Variants in ALDH18A1 observed in about 807,000 individuals in gnomAD.
ALDH18A1 encodes the protein aldehyde dehydrogenase 18 family member A1, also known as delta-1-pyrroline-5-carboxylate synthase.
A neutral mutation model predicts 88.8 loss-of-function variants in ALDH18A1; 44 were observed. The observed-to-expected ratio is 0.50, with a 90% CI of 0.39 to 0.64. ALDH18A1 has a LOEUF of 0.64. ALDH18A1 is among the 30% of genes least tolerant of loss of function. The pLI, the probability that ALDH18A1 is intolerant of heterozygous loss-of-function variation, is 0.00. For missense variants in ALDH18A1, 782 were observed against 1,009.5 expected, an observed-to-expected ratio of 0.77 and a Z score of 3.05; for synonymous variants, 331 against 372.1, an observed-to-expected ratio of 0.89 and a Z score of 1.27.
rs767355400 is a variant in ALDH18A1, at chr10:95,613,830, C to G, written c.1835G>C (p.Cys612Ser). The G allele has an allele frequency of 1.9e-6, 3 of 1,614,188 alleles. No homozygotes were observed. ...GATTAACAAAGTCTCCAAAGCATTA[C>G]AGGCAGCTGGATATTCACATTTAGA... is the stretch of plus-strand genomic sequence containing the variant. ...RDSKCEYPAA[C>S]NALETLLIHR... is the part of the protein sequence containing the mutation. The change falls in exon 15 of 18, where the codon TGT becomes TCT. Residue 612 changes from cysteine to serine, a missense_variant. Cys to Ser is a moderately radical substitution (Grantham distance 112, BLOSUM62 -1). This residue lies in a region of ALDH18A1 where 556 missense variants were observed against 654.5 expected (regional missense o/e 0.85). Transcript: ENST00000371224.
intron 1 of ALDH18A1, 128 bp from the exon 2 acceptor site, chr10:95,653,533 G>A (rs2097913610): frequency 1.3e-6 from 1 of 750,612 alleles, no homozygotes; most frequent in East Asian, 2.7e-5. Context: ...CTGTATTAGG[G>A]AAACTCCCAC....
Position 95,633,518 on chromosome 10 carries a change from C to G in ALDH18A1, c.690G>C (p.Glu230Asp), listed in dbSNP as rs761593821. ...TTACCCCCTGCAGGTCACTGTTGGG[C>G]TCAGCTGGGGGGACAACAGCATCAT... The part of the protein sequence containing the change: ...NTNDAVVPPA[E>D]PNSDLQGVNV... Residue 230 changes from glutamate to aspartate, a missense_variant, in exon 6 of 18, where the codon GAG becomes GAC. Glu to Asp is a conservative substitution (Grantham distance 45). Transcript: ENST00000371224. 7 of 1,614,132 alleles carry G rather than the reference C, an allele frequency of 4.3e-6. No individual in the cohort carries two copies. In the East Asian group the frequency reaches 1.6e-4, roughly 36 times the overall value.
intron 2 of ALDH18A1, among the ~76,000 whole-genome samples, chr10:95,650,464 C>G (rs1030952245): frequency 2.6e-5 from 4 of 152,202 alleles, no homozygotes; most frequent in Non-Finnish European, 4.4e-5. Flanking sequence ...GGGCAGATCC[C>G]TGATGAACAG....
chr10:95,625,939 T>A (rs191731846), intron 10 of ALDH18A1, among the ~76,000 whole-genome samples: 1 of 152,200 alleles, frequency 6.6e-6, no homozygotes, highest in Non-Finnish European at 1.5e-5. Context: ...TTCTTCCTTG[T>A]AAATTATTTA....
At chr10:95,649,833 A>G (rs2097907382) in intron 2 of ALDH18A1, among the ~76,000 whole-genome samples, 1 of 151,632 alleles carries the variant, frequency 6.6e-6, no homozygotes, top group African/African-American at 2.4e-5. Context: ...GTGAGTAATG[A>G]TTGCACCACT....
At position 95,643,042 on chromosome 10, in the gene ALDH18A1, C is replaced by T; in HGVS notation, c.253G>A (p.Gly85Arg). 6.2e-7 allele frequency: 1 copy of T among 1,613,946 alleles called. No homozygotes were observed. The highest frequency in any genetic ancestry group is 8.5e-7 in the Non-Finnish European group (1 of 1,179,916). Residue 85 changes from glycine (G) to arginine (R), a missense_variant, in exon 3 of 18, where the codon GGG becomes AGG. Physicochemically the swap from Gly to Arg is moderately radical, Grantham distance 125. This residue lies in a region of ALDH18A1 where 132 missense variants were observed against 255.5 expected (regional missense o/e 0.52). Transcript: ENST00000371224. ...VKLGSAVVTR[G>R]DECGLALGRL... ...CCCAGGGCCAGGCCACATTCATCCC[C>T]TCGGGTCACCACGGCACTGCCGAGC...
intron 17 of ALDH18A1, 97 bp downstream of exon 17, chr10:95,610,100 A>T (rs2097830897): frequency 1.7e-6 from 2 of 1,163,316 alleles, no homozygotes; most frequent in African/African-American, 3.0e-5. Flanking sequence ...CAAGCATGTG[A>T]CAGTCAAGGG....
At chr10:95,643,356 G>A in intron 2 of ALDH18A1, 150 bp from the exon 3 acceptor site, 1 of 816,574 alleles carries the variant, frequency 1.2e-6, no homozygotes, top group South Asian at 1.6e-5. Context: ...TGTATCAAAA[G>A]CTCTATCTAG....
intron 3 of ALDH18A1, 135 bp from the exon 4 acceptor site, chr10:95,637,571 G>A (rs570360946): frequency 4.9e-5 from 51 of 1,046,100 alleles, no homozygotes; most frequent in Non-Finnish European, 7.0e-5. Flanking sequence ...GGCTGGCTCT[G>A]GAAGAATCAG....
At position 95,637,213 on chromosome 10, in the gene ALDH18A1, G is replaced by A. The variant is rs1301182471; in HGVS notation, c.454-16C>T. ...CTGGAATTGCCTGTAATATACCAAT[G>A]AGACAAGGTGTGGTAGGGAATGAGG... On this transcript the variant is annotated splice_polypyrimidine_tract_variant and intron_variant, in intron 4 of 17. Coordinates refer to ENST00000371224, the MANE Select transcript of ALDH18A1 (RefSeq NM_002860.4). 6.2e-7 allele frequency: 1 copy of A among 1,614,222 alleles called. No homozygotes were observed.
intron 7 of ALDH18A1, among the ~76,000 whole-genome samples, chr10:95,629,745 C>T (rs2097865353): frequency 6.6e-6 from 1 of 152,076 alleles, no homozygotes; most frequent in South Asian, 2.1e-4. Flanking sequence ...TCCCCTTACC[C>T]CACCAAGAGC....
chr10:95,625,573 TCACCA>T lies in ALDH18A1; in HGVS notation c.1153-123_1153-119del, dbSNP rs1367427553. The T allele has an allele frequency of 1.4e-5, 11 of 807,038 alleles. No individual in the cohort carries two copies. The East Asian group carries it at 2.8e-4, about 21-fold the overall frequency. The allele number at this position is 807,038 out of a possible 1,614,324, so 50.0% of individuals were successfully genotyped here. A position where few individuals can be genotyped will look rare whatever the true frequency, so the allele number is the denominator to read the frequency against. ...GGCCTTGCTCCCACATCCACGGTCA[TCACCA>T]GTTGAAATCTCCTGACTTCCCATCA... On this transcript the variant is annotated intron_variant, in intron 10 of 17. Coordinates refer to ENST00000371224, the MANE Select transcript of ALDH18A1 (RefSeq NM_002860.4).
chr10:95,621,039 G>A lies in ALDH18A1; in HGVS notation c.1459C>T (p.Leu487=). ...CCGGGGTATATACACACCTGGGGTAGACAGTCAGGACGAGATTCAAAGATC... is the reference window on the plus strand; with the variant it reads ...CCGGGGTATATACACACCTGGGGTAAACAGTCAGGACGAGATTCAAAGATC... ...LVIFESRPDC[L]PQVAALAIAS... Residue 487 remains leucine, a synonymous_variant, in exon 12 of 18, where the codon CTA becomes TTA. Coordinates refer to ENST00000371224, the MANE Select transcript of ALDH18A1 (RefSeq NM_002860.4). 6.2e-7 allele frequency: 1 copy of A among 1,614,006 alleles called. No homozygotes were observed. The highest frequency in any genetic ancestry group is 1.7e-5 in the Admixed American group (1 of 59,988).
chr10:95,651,843 G>C (rs796682650), intron 2 of ALDH18A1, among the ~76,000 whole-genome samples: 6 of 152,272 alleles, frequency 3.9e-5, no homozygotes, highest in African/African-American at 1.4e-4. Context: ...TAAACATGTA[G>C]CTACAATCTG....
chr10:95,613,324 A>C (rs1289671170), intron 15 of ALDH18A1, among the ~76,000 whole-genome samples: 2 of 152,250 alleles, frequency 1.3e-5, no homozygotes, highest in Admixed American at 6.5e-5. Context: ...AATATTGGTA[A>C]CCAAAGACAC....
At chr10:95,613,704 A>C in intron 15 of ALDH18A1, 38 bp downstream of exon 15, 1 of 1,613,444 alleles carries the variant, frequency 6.2e-7, no homozygotes. Flanking sequence ...CAGGCTTCTA[A>C]GACAGGAAGT....
At chr10:95,624,117 G>T (rs1288485601) in intron 11 of ALDH18A1, among the ~76,000 whole-genome samples, 1 of 152,352 alleles carries the variant, frequency 6.6e-6, no homozygotes, top group Middle Eastern at 3.4e-3. Flanking sequence ...GATTACGGGC[G>T]TGAGCCACTG....
rs2097822804 is a variant in ALDH18A1 at position 95,606,424 on chromosome 10, G to C, written c.*338C>G. On this transcript the variant is annotated 3_prime_UTR_variant, in exon 18 of 18. Transcript: ENST00000371224. ...CTAGTACCAACTAAATGCCAAGGGG[G>C]ACTGTAAGTCACTGAGGTGACACAA... 2 of 1,174,670 alleles carry C rather than the reference G, an allele frequency of 1.7e-6. No individual in the cohort carries two copies. The highest frequency in any genetic ancestry group is 3.1e-5 in the African/African-American group (2 of 63,618). The allele number at this position is 1,174,670 out of a possible 1,614,324, so 72.8% of individuals were successfully genotyped here. A position where few individuals can be genotyped will look rare whatever the true frequency, so the allele number is the denominator to read the frequency against.
chr10:95,612,140 T>G (rs1018046698), intron 15 of ALDH18A1, among the ~76,000 whole-genome samples: 1 of 152,130 alleles, frequency 6.6e-6, no homozygotes, highest in Non-Finnish European at 1.5e-5. Context: ...GTGCCACATA[T>G]ACATTGCTAC....
Sources: allele counts gnomAD v4.1 joint callset (sites outside exome capture counted in the v4.1 genomes callset), GRCh38; gene constraint gnomAD v4.1.1; regional missense constraint gnomAD v4.1.1; transcripts MANE v1.5; gene names NCBI Gene and HGNC (gene_info 2026-07-23, HGNC 2026-07-21).